Variants in PSMB7 observed in about 807,000 individuals in gnomAD.
The protein encoded by PSMB7 is proteasome subunit beta type-7.
PSMB7 carries 5 observed loss-of-function variants against 28.1 expected under a neutral mutation model. The ratio of observed to expected loss-of-function variants is 0.18; its 90% CI spans 0.09 to 0.37. The LOEUF (loss-of-function observed/expected upper bound fraction) is 0.37, where lower values mean the gene tolerates loss of function less well. PSMB7 is among the 10% of genes least tolerant of loss of function. PSMB7 has a pLI of 1.00. For synonymous variants in PSMB7, 122 were observed against 123.7 expected, an observed-to-expected ratio of 0.99 and a Z score of 0.09; for missense variants, 275 against 346.2, an observed-to-expected ratio of 0.79 and a Z score of 1.63.
intron 5 of PSMB7, among the ~76,000 whole-genome samples, chr9:124,393,592 G>A (rs531082508): frequency 6.0e-4 from 91 of 152,276 alleles, no homozygotes; most frequent in Non-Finnish European, 1.1e-3. Flanking sequence ...CTCAAAAAAC[G>A]GAGTTCCTTT....
intron 5 of PSMB7, among the ~76,000 whole-genome samples, chr9:124,396,158 T>C (rs75620138): frequency 2.0e-4 from 31 of 152,328 alleles, no homozygotes; most frequent in Admixed American, 4.6e-4. Context: ...AAAATGAATA[T>C]AGACGAAACA....
intron 6 of PSMB7, among the ~76,000 whole-genome samples, chr9:124,358,285 T>C (rs16927395): frequency 0.028 from 4,187 of 152,224 alleles, 191 homozygotes; most frequent in African/African-American, 0.095. Context: ...TCCAGTGACA[T>C]AAGCGCCCTC....
At chr9:124,392,484 G>A (rs1030509063) in intron 5 of PSMB7, among the ~76,000 whole-genome samples, 21 of 152,184 alleles carry the variant, frequency 1.4e-4, no homozygotes, top group African/African-American at 4.8e-4. Context: ...ACTGAACTAG[G>A]TTCCTTCCCC....
At chr9:124,404,820 TC>T (rs1830946941) in intron 5 of PSMB7, among the ~76,000 whole-genome samples, 1 of 151,964 alleles carries the variant, frequency 6.6e-6, no homozygotes, top group Non-Finnish European at 1.5e-5. Flanking sequence ...GCCACTGCAC[TC>T]CAGCCTGGGC....
At chr9:124,353,981 C>T (rs1010645785) in intron 7 of PSMB7, among the ~76,000 whole-genome samples, 4 of 152,178 alleles carry the variant, frequency 2.6e-5, no homozygotes, top group Non-Finnish European at 5.9e-5. Context: ...CCCACCATCC[C>T]CACAAGTGCT....
chr9:124,381,804 A>G lies in PSMB7; in HGVS notation c.570+2794T>C, dbSNP rs75822061. Reference sequence around the variant, plus strand: ...TTCACCAAAAGCAAACAGTGTGGTTAGCACAGTTAGTGGCTTGGTCTTCAC... The same window carrying G: ...TTCACCAAAAGCAAACAGTGTGGTTGGCACAGTTAGTGGCTTGGTCTTCAC... On this transcript the variant is annotated intron_variant, in intron 6 of 7. Transcript: ENST00000259457. 9.9e-3 allele frequency among the ~76,000 whole-genome samples: 1,501 copies of G among 152,336 alleles called. 36 individuals are homozygous for G. Among genetic ancestry groups the G allele is most frequent in the East Asian group, 0.052 (272 of 5,190 alleles).
chr9:124,409,679 G>A (rs1233467335), intron 4 of PSMB7, among the ~76,000 whole-genome samples: 1 of 152,214 alleles, frequency 6.6e-6, no homozygotes, highest in Non-Finnish European at 1.5e-5. Flanking sequence ...TAGTATGCAA[G>A]GTCAGAGCCT....
intron 4 of PSMB7, among the ~76,000 whole-genome samples, chr9:124,406,128 C>T (rs1197258079): frequency 6.6e-6 from 1 of 152,222 alleles, no homozygotes; most frequent in Non-Finnish European, 1.5e-5. Context: ...TCACACCTCT[C>T]TGTGATCAGC....
intron 6 of PSMB7, among the ~76,000 whole-genome samples, chr9:124,379,010 G>C (rs531671449): frequency 1.3e-5 from 2 of 152,094 alleles, no homozygotes; most frequent in African/African-American, 4.8e-5. Flanking sequence ...AAAAATCTGG[G>C]GGAATGCTCT....
intron 5 of PSMB7, among the ~76,000 whole-genome samples, chr9:124,402,622 C>T (rs532702447): frequency 5.9e-5 from 9 of 152,252 alleles, no homozygotes; most frequent in African/African-American, 1.9e-4. Flanking sequence ...AAAATGCTAA[C>T]AACTGACACA....
At chr9:124,394,065 T>G (rs1409751401) in intron 5 of PSMB7, among the ~76,000 whole-genome samples, 1 of 152,224 alleles carries the variant, frequency 6.6e-6, no homozygotes, top group Non-Finnish European at 1.5e-5. Flanking sequence ...GGTCCATATT[T>G]CAAAATAACT....
chr9:124,409,432 T>C (rs1041295746), intron 4 of PSMB7, among the ~76,000 whole-genome samples: 2 of 152,256 alleles, frequency 1.3e-5, no homozygotes, highest in African/African-American at 4.8e-5. Context: ...GGAGGTTCCA[T>C]GCTCACAGAA....
rs374878506 is a variant in PSMB7 at position 124,364,157 on chromosome 9, G to C, written c.571-7242C>G. On this transcript the variant is annotated intron_variant, in intron 6 of 7. Transcript: ENST00000259457. ...CCCCGGGTCTGAGCCAAACACTTGC[G>C]TTATTTATTGAATTCCCAACTGCTG... Among the ~76,000 whole-genome samples, 3 of 152,134 alleles carry C rather than the reference G, an allele frequency of 2.0e-5. No homozygotes were observed. In the East Asian group the frequency reaches 5.8e-4, roughly 29 times the overall value.
At position 124,356,621 on chromosome 9, in the gene PSMB7, G is replaced by T; in HGVS notation, c.722+143C>A. 1 of 927,020 alleles carries T rather than the reference G, an allele frequency of 1.1e-6. No homozygotes were observed. The highest frequency in any genetic ancestry group is 2.6e-5 in the Admixed American group (1 of 37,788). 57.4% of individuals were successfully genotyped at this position (927,020 alleles called of 1,614,324 possible). A position where few individuals can be genotyped will look rare whatever the true frequency, so the allele number is the denominator to read the frequency against. On this transcript the variant is annotated intron_variant, in intron 7 of 7. Coordinates refer to ENST00000259457, the MANE Select transcript of PSMB7 (RefSeq NM_002799.4). The surrounding 1 kb of genome is among the most constrained non-coding windows in gnomAD (Gnocchi z 4.4). Reference sequence around the variant, plus strand: ...GTCATAAAGCAAGTAACAAGCCGAAGGTCTGTGTGGGAGGTTGATTTGGGA... The same window carrying T: ...GTCATAAAGCAAGTAACAAGCCGAATGTCTGTGTGGGAGGTTGATTTGGGA...
At chr9:124,368,107 C>A (rs529061164) in intron 6 of PSMB7, among the ~76,000 whole-genome samples, 1 of 152,316 alleles carries the variant, frequency 6.6e-6, no homozygotes, top group East Asian at 1.9e-4. Flanking sequence ...TATTCTCTTT[C>A]ACCAAAAATT....
intron 7 of PSMB7, among the ~76,000 whole-genome samples, chr9:124,355,149 G>GAGCTTGGACA (rs1332716128): frequency 6.6e-6 from 1 of 152,238 alleles, no homozygotes. Flanking sequence ...AGAGTCCAGG[G>GAGCTTGGACA]AGCTTGGACA....
intron 1 of PSMB7, 67 bp downstream of exon 1, chr9:124,415,297 G>C (rs887928552): frequency 6.7e-7 from 1 of 1,497,730 alleles, no homozygotes; most frequent in African/African-American, 1.4e-5. Context: ...ATCACACCTT[G>C]GCCCAGCTCC....
chr9:124,374,447 T>G (rs55825496), intron 6 of PSMB7, among the ~76,000 whole-genome samples: 2,381 of 152,346 alleles, frequency 0.016, 73 homozygotes, highest in African/African-American at 0.053. Flanking sequence ...CCCACACTTT[T>G]AGAACAGTAG....
intron 5 of PSMB7, among the ~76,000 whole-genome samples, chr9:124,390,043 T>C (rs1436754925): frequency 6.6e-6 from 1 of 152,072 alleles, no homozygotes; most frequent in South Asian, 2.1e-4. Context: ...ACATCAAGAC[T>C]CCAAGAGAGA....
Sources: gnomAD v4.1 joint callset for allele counts (sites outside exome capture counted in the v4.1 genomes callset) on GRCh38, gnomAD v4.1.1 for gene constraint, Gnocchi (gnomAD v3.1) non-coding constraint, MANE v1.5 for transcripts, NCBI Gene and HGNC (gene_info 2026-07-23, HGNC 2026-07-21) for gene names.